RAPGEF2: variants seen among roughly 807,000 people sequenced by gnomAD.
RAPGEF2 encodes PDZ domain containing guanine nucleotide exchange factor (GEF) 1.
Under a neutral mutation model 186.7 loss-of-function variants are expected in RAPGEF2, and 54 were observed. That is an observed-to-expected ratio of 0.29 (90% CI 0.23 to 0.36). The LOEUF is 0.36. Among genes scored for constraint, RAPGEF2 ranks in the 10% least tolerant of loss-of-function variants. The pLI is 1.00. For synonymous variants in RAPGEF2, 712 were observed against 705.9 expected, an observed-to-expected ratio of 1.01 and a Z score of -0.14; for missense variants, 1,532 against 2,045.0, an observed-to-expected ratio of 0.75 and a Z score of 4.84.
chr4:159,198,618 G>A lies in RAPGEF2; in HGVS notation c.197+5362G>A, dbSNP rs543705371. Reference sequence around the variant, plus strand: ...GTGCCACCACGCCTGGCTAATTTTTGTAGTTTTAGTAGTGCTGGGGTTTCG... The same window carrying A: ...GTGCCACCACGCCTGGCTAATTTTTATAGTTTTAGTAGTGCTGGGGTTTCG... On this transcript the variant is annotated intron_variant, in intron 3 of 29. Coordinates refer to ENST00000691494, the MANE Select transcript of RAPGEF2 (RefSeq NM_001394067.2). Among the ~76,000 whole-genome samples, 6 of 151,084 alleles carry A rather than the reference G, an allele frequency of 4.0e-5. No homozygotes were observed. In the East Asian group the frequency reaches 6.0e-4, roughly 15 times the overall value.
At chr4:159,128,138 G>A (rs147917615) in intron 1 of RAPGEF2, among the ~76,000 whole-genome samples, 1 of 151,924 alleles carries the variant, frequency 6.6e-6, no homozygotes, top group Admixed American at 6.6e-5. Context: ...TAAATTGTAC[G>A]TTCTATTTCA....
chr4:159,249,184 C>T (rs1348517631), intron 7 of RAPGEF2, among the ~76,000 whole-genome samples: 3 of 151,024 alleles, frequency 2.0e-5, no homozygotes, highest in Non-Finnish European at 4.4e-5. Context: ...ATTGCAACAG[C>T]GAAGATGCTT....
chr4:159,168,461 G>A (rs1745564591), intron 1 of RAPGEF2, among the ~76,000 whole-genome samples: 2 of 151,450 alleles, frequency 1.3e-5, no homozygotes, highest in Non-Finnish European at 2.9e-5. Flanking sequence ...TCCCTCCCCA[G>A]TTCATTGCAA....
intron 7 of RAPGEF2, among the ~76,000 whole-genome samples, chr4:159,280,730 G>T (rs1385018228): frequency 1.3e-5 from 2 of 152,154 alleles, no homozygotes; most frequent in Admixed American, 6.5e-5. Context: ...ATATTGAAGT[G>T]TCATACATAG....
At position 159,343,177 on chromosome 4, in the gene RAPGEF2, C is replaced by T. The variant is rs752511488; in HGVS notation, c.3117C>T (p.Thr1039=). The change falls in exon 21 of 30, where the codon ACC becomes ACT. Residue 1039 remains threonine, a synonymous_variant. Transcript: ENST00000691494. ...TCCCAGTTATCAAAAAGGATCTCAC[C>T]TTCCTTCACGAAGGTAAACATAAGG... The part of the protein sequence containing the change: ...PLFPVIKKDL[T]FLHEGNDSKV... 1.9e-5 allele frequency: 30 copies of T among 1,613,988 alleles called. No individual in the cohort carries two copies. The highest frequency in any genetic ancestry group is 4.4e-5 in the South Asian group (4 of 91,082).
intron 1 of RAPGEF2, among the ~76,000 whole-genome samples, chr4:159,117,218 T>C (rs1370583915): frequency 2.6e-5 from 4 of 152,150 alleles, no homozygotes; most frequent in Non-Finnish European, 5.9e-5. Context: ...TTTCAATGTT[T>C]CTAATCTTCA....
chr4:159,220,169 A>AT (rs753177028), intron 4 of RAPGEF2, among the ~76,000 whole-genome samples: 2 of 152,222 alleles, frequency 1.3e-5, no homozygotes, highest in Non-Finnish European at 2.9e-5. Flanking sequence ...AAATTTCATC[A>AT]TATCAAAAAA....
rs1435769892 is a variant in RAPGEF2, at chr4:159,343,102, T to C, written c.3042T>C (p.Tyr1014=). 1.2e-6 allele frequency: 2 copies of C among 1,614,050 alleles called. No homozygotes were observed. Among genetic ancestry groups the C allele is most frequent in the African/African-American group, 1.3e-5 (1 of 75,024 alleles). The change falls in exon 21 of 30, where the codon TAT becomes TAC. Residue 1014 remains tyrosine (Y), a synonymous_variant. Transcript: ENST00000691494. ...LFDPSRNMAK[Y]RNVLNSQNLQ... is the part of the protein sequence containing the mutation. ...ATCCTTCCAGAAACATGGCAAAATA[T>C]CGTAATGTTCTCAATAGTCAAAATC... is the stretch of plus-strand genomic sequence containing the variant.
intron 9 of RAPGEF2, among the ~76,000 whole-genome samples, chr4:159,318,034 A>G (rs1002719332): frequency 1.3e-5 from 2 of 151,240 alleles, no homozygotes; most frequent in East Asian, 3.9e-4. Context: ...AATGATTCCT[A>G]CAAATAAATA....
intron 1 of RAPGEF2, among the ~76,000 whole-genome samples, chr4:159,185,304 G>C (rs755327894): frequency 2.0e-5 from 3 of 152,110 alleles, no homozygotes; most frequent in Non-Finnish European, 2.9e-5. Context: ...TGAACCAGCA[G>C]CTTCACTTCT....
intron 6 of RAPGEF2, 78 bp from the exon 7 acceptor site, chr4:159,243,696 A>G (rs1754278262): frequency 1.1e-6 from 1 of 931,246 alleles, no homozygotes; most frequent in African/African-American, 1.7e-5. Context: ...TCATTTTGGC[A>G]GATGTAATAT....
chr4:159,241,888 G>A (rs1386873155), intron 6 of RAPGEF2, among the ~76,000 whole-genome samples: 1 of 151,948 alleles, frequency 6.6e-6, no homozygotes, highest in Non-Finnish European at 1.5e-5. Flanking sequence ...ATACCTTTAT[G>A]AGAATATCTC....
chr4:159,357,432 T>C lies in RAPGEF2; in HGVS notation c.4958-682T>C, dbSNP rs1732190291. On this transcript the variant is annotated intron_variant, in intron 29 of 29. Transcript: ENST00000691494. ...GGAACCCACATTCTTTATAACTCTT[T>C]GTGCGTTCTTTCTACAAATCTATCT... Among the ~76,000 whole-genome samples, 4 of 152,218 alleles carry C rather than the reference T, an allele frequency of 2.6e-5. No homozygotes were observed. The South Asian group carries it at 8.3e-4, about 32-fold the overall frequency.
intron 1 of RAPGEF2, among the ~76,000 whole-genome samples, chr4:159,156,884 ATATAG>A (rs1181639583): frequency 6.6e-6 from 1 of 152,234 alleles, no homozygotes; most frequent in African/African-American, 2.4e-5. Context: ...CAAACAAGAA[ATATAG>A]TATAACAACC....
At chr4:159,338,237 C>A in intron 17 of RAPGEF2, 74 bp from the exon 18 acceptor site, 1 of 1,289,870 alleles carries the variant, frequency 7.8e-7, no homozygotes, top group Admixed American at 2.7e-5. Context: ...GGTTTTTGGT[C>A]TGTGTTTATT....
chr4:159,133,283 A>T (rs1393316647), intron 1 of RAPGEF2, among the ~76,000 whole-genome samples: 3 of 152,096 alleles, frequency 2.0e-5, no homozygotes, highest in South Asian at 2.1e-4. Context: ...TTGCATTTCT[A>T]ATTTTGCTTG....
At chr4:159,228,399 A>C (rs1752261678) in intron 4 of RAPGEF2, 1 of 152,238 alleles carries the variant, frequency 6.6e-6, no homozygotes, top group South Asian at 2.1e-4. Context: ...TAGTAGCTTA[A>C]GTATCGAATG....
intron 1 of RAPGEF2, among the ~76,000 whole-genome samples, chr4:159,130,610 A>C (rs1030080168): frequency 1.3e-5 from 2 of 152,226 alleles, no homozygotes; most frequent in Non-Finnish European, 2.9e-5. Flanking sequence ...AAAATTTTTA[A>C]ACAATTAGAG....
intron 7 of RAPGEF2, among the ~76,000 whole-genome samples, chr4:159,299,038 C>T (rs951396215): frequency 6.6e-6 from 1 of 152,148 alleles, no homozygotes; most frequent in East Asian, 1.9e-4. Context: ...TATACTTACT[C>T]CACCTTGTAG....
Sources: gnomAD v4.1 joint callset for allele counts (sites outside exome capture counted in the v4.1 genomes callset) on GRCh38, gnomAD v4.1.1 for gene constraint, MANE v1.5 for transcripts, NCBI Gene and HGNC (gene_info 2026-07-23, HGNC 2026-07-21) for gene names.